DPP10: variants seen among roughly 807,000 people sequenced by gnomAD.
DPP10 encodes dipeptidyl peptidase like 10.
A neutral mutation model predicts 120.9 loss-of-function variants in DPP10; 33 were observed. That is an observed-to-expected ratio of 0.27 (90% CI 0.21 to 0.37). DPP10 has a LOEUF of 0.37. Among genes scored for constraint, DPP10 ranks in the 10% least tolerant of loss-of-function variants. The pLI is 1.00. For synonymous variants in DPP10, 337 were observed against 326.1 expected (o/e 1.03, Z -0.36); for missense variants, 816 against 942.8 (o/e 0.87, Z 1.76).
At chr2:114,485,069 C>A (rs1198476217) in intron 1 of DPP10, among the ~76,000 whole-genome samples, 1 of 152,068 alleles carries the variant, frequency 6.6e-6, no homozygotes, top group Non-Finnish European at 1.5e-5. Flanking sequence ...CTAGACAAAG[C>A]TCTGTGGAGT....
chr2:114,725,256 C>T (rs772129020), intron 1 of DPP10, among the ~76,000 whole-genome samples: 14 of 152,152 alleles, frequency 9.2e-5, no homozygotes, highest in East Asian at 1.9e-4. Context: ...TAAGTCATTT[C>T]GAACTCCTCT....
intron 1 of DPP10, among the ~76,000 whole-genome samples, chr2:114,615,001 A>G (rs1035830482): frequency 3.9e-5 from 6 of 152,194 alleles, no homozygotes; most frequent in Non-Finnish European, 8.8e-5. Flanking sequence ...GCAAACTAAC[A>G]TATATGCACA....
At chr2:115,121,915 C>T (rs1393759371) in intron 1 of DPP10, among the ~76,000 whole-genome samples, 1 of 152,142 alleles carries the variant, frequency 6.6e-6, no homozygotes, top group East Asian at 1.9e-4. Flanking sequence ...AACAGTATTA[C>T]AAAGGAAAAC....
chr2:115,827,310 C>CACTTGT (rs1553518912), intron 21 of DPP10, among the ~76,000 whole-genome samples: 3 of 39,906 alleles, frequency 7.5e-5, no homozygotes, highest in African/African-American at 2.5e-4. Context: ...CATATATATA[C>CACTTGT]ACATGTACAT....
intron 1 of DPP10, among the ~76,000 whole-genome samples, chr2:115,157,514 T>C (rs1297725260): frequency 1.3e-5 from 2 of 152,208 alleles, no homozygotes; most frequent in Non-Finnish European, 2.9e-5. Context: ...CACTTATATA[T>C]ATAGTGCCTT....
intron 1 of DPP10, among the ~76,000 whole-genome samples, chr2:115,229,015 T>C (rs1411574832): frequency 6.6e-6 from 1 of 152,178 alleles, no homozygotes; most frequent in African/African-American, 2.4e-5. Context: ...GGGTCCCCTT[T>C]TCTAAATATC....
intron 3 of DPP10, among the ~76,000 whole-genome samples, chr2:115,384,792 G>A (rs943876383): frequency 6.6e-6 from 1 of 152,178 alleles, no homozygotes. Context: ...CAAAGCAAGT[G>A]GTGAAACATA....
At chr2:115,484,281 A>G (rs1441358739) in intron 3 of DPP10, among the ~76,000 whole-genome samples, 1 of 151,862 alleles carries the variant, frequency 6.6e-6, no homozygotes, top group Non-Finnish European at 1.5e-5. Flanking sequence ...AATACCCTCC[A>G]TAAATAAACA....
chr2:115,602,210 A>C (rs1164135299), intron 5 of DPP10, among the ~76,000 whole-genome samples: 1 of 152,180 alleles, frequency 6.6e-6, no homozygotes, highest in Non-Finnish European at 1.5e-5. Context: ...GATCACCTTC[A>C]CCTGGATGTG....
intron 1 of DPP10, among the ~76,000 whole-genome samples, chr2:115,120,738 C>T (rs779087333): frequency 2.0e-5 from 3 of 152,184 alleles, no homozygotes; most frequent in Non-Finnish European, 2.9e-5. Context: ...TCACCTACAA[C>T]ATACTTGGAT....
At chr2:114,793,530 T>C (rs1284253100) in intron 1 of DPP10, among the ~76,000 whole-genome samples, 1 of 152,186 alleles carries the variant, frequency 6.6e-6, no homozygotes, top group Admixed American at 6.5e-5. Context: ...CAGATATTAA[T>C]CAATTGCCCA....
chr2:115,216,291 C>T (rs2056814621), intron 1 of DPP10, among the ~76,000 whole-genome samples: 1 of 152,008 alleles, frequency 6.6e-6, no homozygotes, highest in South Asian at 2.1e-4. Flanking sequence ...CTGGCACACC[C>T]TGAATCTATA....
At chr2:114,935,829 C>A (rs1176603549) in intron 1 of DPP10, among the ~76,000 whole-genome samples, 1 of 151,406 alleles carries the variant, frequency 6.6e-6, no homozygotes, top group Non-Finnish European at 1.5e-5. Flanking sequence ...AGTTTGGGAA[C>A]CTTCTGGCTG....
intron 3 of DPP10, among the ~76,000 whole-genome samples, chr2:115,375,141 G>A (rs1292336372): frequency 6.6e-6 from 1 of 152,180 alleles, no homozygotes; most frequent in East Asian, 1.9e-4. Context: ...TTAAACAGAA[G>A]TTCTAATTTC....
chr2:115,162,171 G>T (rs974074582), intron 1 of DPP10: 3 of 1,544,924 alleles, frequency 1.9e-6, no homozygotes, highest in African/African-American at 1.4e-5. Flanking sequence ...AGGCTCTCCT[G>T]CTTCTCCACG....
At chr2:115,528,614 T>A (rs74830869) in intron 5 of DPP10, among the ~76,000 whole-genome samples, 2,542 of 152,142 alleles carry the variant, frequency 0.017, 79 homozygotes, top group African/African-American at 0.057. Context: ...ACAGCCCAGA[T>A]GTTCTTCAAA....
At chr2:115,295,395 T>A (rs2060840470) in intron 1 of DPP10, among the ~76,000 whole-genome samples, 1 of 152,132 alleles carries the variant, frequency 6.6e-6, no homozygotes, top group African/African-American at 2.4e-5. Flanking sequence ...GAATACTACT[T>A]TTCTGCAGAT....
chr2:114,854,183 T>C (rs1558811146), intron 1 of DPP10, among the ~76,000 whole-genome samples: 2 of 152,218 alleles, frequency 1.3e-5, no homozygotes. Flanking sequence ...ATTCCTCTCC[T>C]ATAATGCCTC....
At chr2:114,671,139 G>A (rs887685674) in intron 1 of DPP10, among the ~76,000 whole-genome samples, 17 of 152,094 alleles carry the variant, frequency 1.1e-4, no homozygotes, top group Admixed American at 4.6e-4. Flanking sequence ...GTTTAAGAAG[G>A]ATTAAAATAA....
Sources: allele counts gnomAD v4.1 joint callset (sites outside exome capture counted in the v4.1 genomes callset), GRCh38; gene constraint gnomAD v4.1.1; transcripts MANE v1.5; gene names NCBI Gene and HGNC (gene_info 2026-07-23, HGNC 2026-07-21).